LNX1: variants seen among roughly 807,000 people sequenced by gnomAD.
The protein encoded by LNX1 is ligand of numb-protein X 1, also known as E3 ubiquitin-protein ligase LNX.
LNX1 carries 54 observed loss-of-function variants against 68.4 expected under a neutral mutation model. That is an observed-to-expected ratio of 0.79 (90% CI 0.63 to 0.99). The LOEUF (loss-of-function observed/expected upper bound fraction) is 0.99, where lower values mean the gene tolerates loss of function less well. Ranked by LOEUF, LNX1 falls within the 50% of genes least tolerant of loss-of-function variation. LNX1 has a pLI of 0.00. For synonymous variants in LNX1, 336 were observed against 350.0 expected, an observed-to-expected ratio of 0.96 and a Z score of 0.45; for missense variants, 906 against 926.4, an observed-to-expected ratio of 0.98 and a Z score of 0.29.
chr4:53,629,525 C>T (rs1463865431), intron 1 of LNX1, among the ~76,000 whole-genome samples: 1 of 152,214 alleles, frequency 6.6e-6, no homozygotes, highest in Non-Finnish European at 1.5e-5. Flanking sequence ...GTAAAAGATG[C>T]AGTCTGCCTT....
At chr4:53,549,512 T>C (rs1729354887) in intron 2 of LNX1, 1 of 151,090 alleles carries the variant, frequency 6.6e-6, no homozygotes. Flanking sequence ...GTGTAGATTG[T>C]ATTTAGCTCA....
intron 2 of LNX1, among the ~76,000 whole-genome samples, chr4:53,547,398 G>A (rs1464386738): frequency 6.6e-6 from 1 of 152,184 alleles, no homozygotes; most frequent in Non-Finnish European, 1.5e-5. Context: ...ATTTATAGGT[G>A]AGAAAAGCTC....
chr4:53,478,870 A>T, intron 7 of LNX1, 128 bp from the exon 8 acceptor site: 3 of 853,190 alleles, frequency 3.5e-6, no homozygotes, highest in Non-Finnish European at 3.7e-6. Context: ...AATTATGCAA[A>T]GTGCATAAAT....
rs954546918 is a variant in LNX1 at position 53,533,439 on chromosome 4, C to T, written c.381-25212G>A. Among the ~76,000 whole-genome samples the T allele has an allele frequency of 7.9e-5, 12 of 152,184 alleles. 1 individual carries two copies. The highest frequency in any genetic ancestry group is 7.2e-4 in the Admixed American group (11 of 15,276). The stretch of plus-strand genomic sequence containing the variant: ...TTTGAGGTGGCGTCTCCCTCTGTCG[C>T]CCAGGCTGGAGTGCAGCGGTGCGTT... On this transcript the variant is annotated intron_variant, in intron 2 of 10. Transcript: ENST00000263925.
At chr4:53,515,016 C>T (rs1726655511) in intron 2 of LNX1, among the ~76,000 whole-genome samples, 1 of 152,172 alleles carries the variant, frequency 6.6e-6, no homozygotes, top group Admixed American at 6.5e-5. Flanking sequence ...CCAAATGCAG[C>T]AATATTTTCT....
intron 2 of LNX1, among the ~76,000 whole-genome samples, chr4:53,521,450 C>G (rs1414125493): frequency 1.3e-5 from 2 of 152,178 alleles, no homozygotes; most frequent in African/African-American, 4.8e-5. Flanking sequence ...GTCACAGGCC[C>G]TCCTGGATAT....
chr4:53,528,715 G>A (rs1727805408), intron 2 of LNX1, among the ~76,000 whole-genome samples: 1 of 152,090 alleles, frequency 6.6e-6, no homozygotes, highest in African/African-American at 2.4e-5. Flanking sequence ...ACAGCAACTA[G>A]TGAGAACAGA....
chr4:53,493,731 T>TA (rs1371410376), intron 6 of LNX1, among the ~76,000 whole-genome samples: 1 of 152,228 alleles, frequency 6.6e-6, no homozygotes, highest in African/African-American at 2.4e-5. Context: ...GCTGCTGACT[T>TA]ACTGCCTATT....
intron 2 of LNX1, among the ~76,000 whole-genome samples, chr4:53,562,281 G>A (rs1407391236): frequency 6.6e-6 from 1 of 152,202 alleles, no homozygotes; most frequent in African/African-American, 2.4e-5. Context: ...ACTGGTAATG[G>A]CCTCCAGTTA....
intron 6 of LNX1, among the ~76,000 whole-genome samples, chr4:53,485,362 C>T (rs10001337): frequency 0.12 from 17,957 of 152,194 alleles, 1,145 homozygotes; most frequent in Non-Finnish European, 0.15. Context: ...CTAAGCACCT[C>T]ATAAGAACTG....
At chr4:53,521,312 G>A (rs1340604585) in intron 2 of LNX1, among the ~76,000 whole-genome samples, 1 of 152,302 alleles carries the variant, frequency 6.6e-6, no homozygotes, top group East Asian at 1.9e-4. Flanking sequence ...AGATGGAGGT[G>A]TGGGGGAAGG....
chr4:53,642,756 G>A (rs1734734080), intron 1 of LNX1, among the ~76,000 whole-genome samples: 2 of 152,152 alleles, frequency 1.3e-5, no homozygotes, highest in Non-Finnish European at 2.9e-5. Context: ...GTTGACTATA[G>A]TCTTGGATGT....
At chr4:53,556,924 G>A (rs1011724855) in intron 2 of LNX1, among the ~76,000 whole-genome samples, 1 of 152,088 alleles carries the variant, frequency 6.6e-6, no homozygotes, top group African/African-American at 2.4e-5. Context: ...GTTTTCATTT[G>A]CCCACTGACT....
In LNX1 at chr4:53,491,792, C is replaced by CTTTTTTTTTTTTTTTTTTTTTTTTT. The variant is rs149789223; in HGVS notation, c.1350+4230_1350+4231insAAAAAAAAAAAAAAAAAAAAAAAAA. Among the ~76,000 whole-genome samples the CTTTTTTTTTTTTTTTTTTTTTTTTT allele has an allele frequency of 1.6e-4, 10 of 62,254 alleles. 4 individuals carry two copies. Among genetic ancestry groups the CTTTTTTTTTTTTTTTTTTTTTTTTT allele is most frequent in the Admixed American group, 4.5e-4 (2 of 4,456 alleles). The allele number at this position is 62,254 out of a possible 152,430, so 40.8% of individuals were successfully genotyped here. A position where few individuals can be genotyped will look rare whatever the true frequency, so the allele number is the denominator to read the frequency against. On this transcript the variant is annotated intron_variant, in intron 6 of 10. Transcript: ENST00000263925. ...TGCTTTAAGTGCTGAGGATACGATA[C>CTTTTTTTTTTTTTTTTTTTTTTTTT]TTTTTTTTGTTTGTTTGTTTTTTGA... is the stretch of plus-strand genomic sequence containing the variant.
chr4:53,554,251 C>T (rs1729725714), intron 2 of LNX1, among the ~76,000 whole-genome samples: 1 of 152,220 alleles, frequency 6.6e-6, no homozygotes, highest in Non-Finnish European at 1.5e-5. Flanking sequence ...ATATGTAAGT[C>T]CCCAGTAAAA....
intron 2 of LNX1, among the ~76,000 whole-genome samples, chr4:53,612,500 G>A (rs554571197): frequency 2.0e-5 from 3 of 152,210 alleles, no homozygotes; most frequent in East Asian, 3.9e-4. Flanking sequence ...GAGGATAGCT[G>A]AATAAATTAT....
At chr4:53,481,599 CAAGTCAAAGTGTTTCTTTAAGTAAAA>C in intron 7 of LNX1, 95 bp downstream of exon 7, 1 of 1,162,984 alleles carries the variant, frequency 8.6e-7, no homozygotes. Context: ...TTTAGTTTTA[CAAGTCAAAGTGTTTCTTTAAGTAAAA>C]AAGTCCAGAG....
intron 2 of LNX1, among the ~76,000 whole-genome samples, chr4:53,522,528 A>G (rs909298249): frequency 3.3e-5 from 5 of 151,734 alleles, no homozygotes; most frequent in Non-Finnish European, 4.4e-5. Context: ...ATTGACACAG[A>G]GAGTTGCATG....
rs367739278 is a variant in LNX1, at chr4:53,481,580, C to T, written c.1485+140G>A. ...ATCTCTCCAAGTCTTAAATATGGGA[C>T]TTTGGGCTTTTAGTTTTACAAGTCA... On this transcript the variant is annotated intron_variant, in intron 7 of 10. Coordinates refer to ENST00000263925, the MANE Select transcript of LNX1 (RefSeq NM_001126328.3). 377 of 966,644 alleles carry T rather than the reference C, an allele frequency of 3.9e-4. 3 individuals are homozygous for T. The South Asian group carries it at 6.4e-3, about 16-fold the overall frequency. 59.9% of individuals were successfully genotyped at this position (966,644 alleles called of 1,614,324 possible).
Sources: gnomAD v4.1 joint callset for allele counts (sites outside exome capture counted in the v4.1 genomes callset) on GRCh38, gnomAD v4.1.1 for gene constraint, MANE v1.5 for transcripts, NCBI Gene and HGNC (gene_info 2026-07-23, HGNC 2026-07-21) for gene names.